Variants in BMPR1B observed in about 807,000 individuals in gnomAD.
BMPR1B encodes the protein bone morphogenetic protein receptor type-1B.
Under a neutral mutation model 59.1 loss-of-function variants are expected in BMPR1B, and 12 were observed. The ratio of observed to expected loss-of-function variants is 0.20; its 90% CI spans 0.13 to 0.33. The LOEUF is 0.33. Among genes scored for constraint, BMPR1B ranks in the 10% least tolerant of loss-of-function variants. The pLI is 1.00. For missense variants in BMPR1B, 550 were observed against 610.9 expected (o/e 0.90, Z 1.05); for synonymous variants, 237 against 207.3 (o/e 1.14, Z -1.23).
intron 2 of BMPR1B, among the ~76,000 whole-genome samples, chr4:94,901,208 A>G (rs2149000078): frequency 6.6e-6 from 1 of 152,156 alleles, no homozygotes; most frequent in East Asian, 1.9e-4. Flanking sequence ...GGGTCATGAC[A>G]TCAATATAGT....
chr4:95,116,417 G>GCACACACACACACA (rs1412794885), intron 6 of BMPR1B, among the ~76,000 whole-genome samples: 1 of 51,348 alleles, frequency 1.9e-5, no homozygotes, highest in African/African-American at 9.8e-5. Flanking sequence ...TGCTTTCAGC[G>GCACACACACACACA]CGCGCACACA....
intron 2 of BMPR1B, among the ~76,000 whole-genome samples, chr4:94,900,162 C>T (rs916187412): frequency 2.6e-5 from 4 of 151,366 alleles, no homozygotes; most frequent in Admixed American, 2.6e-4. Context: ...CCAGTCATAA[C>T]ATTCCATGCT....
chr4:94,960,635 C>T (rs1308662428), intron 2 of BMPR1B, among the ~76,000 whole-genome samples: 1 of 151,920 alleles, frequency 6.6e-6, no homozygotes, highest in African/African-American at 2.4e-5. Flanking sequence ...TTTATTACTA[C>T]AGACAGAAGG....
chr4:95,037,774 A>G (rs1382977669), intron 3 of BMPR1B, among the ~76,000 whole-genome samples: 1 of 152,168 alleles, frequency 6.6e-6, no homozygotes, highest in Non-Finnish European at 1.5e-5. Context: ...GAGGGGTCAT[A>G]TACTTTAGAA....
intron 10 of BMPR1B, among the ~76,000 whole-genome samples, chr4:95,134,119 G>C (rs555985048): frequency 1.3e-5 from 2 of 152,218 alleles, no homozygotes; most frequent in East Asian, 3.9e-4. Context: ...GAGAACATGC[G>C]ATGTTTGGTT....
chr4:94,768,386 C>T (rs975941259), intron 1 of BMPR1B, among the ~76,000 whole-genome samples: 5 of 151,938 alleles, frequency 3.3e-5, no homozygotes, highest in Non-Finnish European at 7.4e-5. Flanking sequence ...AACAAAAAAC[C>T]TCTGCTTTAT....
chr4:95,017,619 G>GT (rs1723672323), intron 3 of BMPR1B, among the ~76,000 whole-genome samples: 1 of 152,190 alleles, frequency 6.6e-6, no homozygotes, highest in Non-Finnish European at 1.5e-5. Flanking sequence ...CTTAGCATCA[G>GT]TATTTCAATA....
At chr4:94,849,340 C>T (rs1725477079) in intron 1 of BMPR1B, among the ~76,000 whole-genome samples, 1 of 152,004 alleles carries the variant, frequency 6.6e-6, no homozygotes, top group South Asian at 2.1e-4. Context: ...TCAACGGGTG[C>T]CCTTGACAAA....
intron 2 of BMPR1B, among the ~76,000 whole-genome samples, chr4:94,883,155 T>C (rs193141503): frequency 1.6e-3 from 249 of 152,256 alleles, no homozygotes; most frequent in Non-Finnish European, 2.7e-3. Context: ...CTTCTTCCAC[T>C]GATGAGAGAA....
chr4:94,869,527 T>C (rs898532603), intron 1 of BMPR1B, among the ~76,000 whole-genome samples: 9 of 152,228 alleles, frequency 5.9e-5, no homozygotes, highest in Non-Finnish European at 1.2e-4. Flanking sequence ...ATCTTCAATA[T>C]TCAGCTTTGC....
At chr4:94,995,142 G>A (rs1014317132) in intron 2 of BMPR1B, among the ~76,000 whole-genome samples, 6 of 152,124 alleles carry the variant, frequency 3.9e-5, no homozygotes, top group Non-Finnish European at 5.9e-5. Context: ...GAGATACTAT[G>A]TATCTTGTTT....
intron 3 of BMPR1B, among the ~76,000 whole-genome samples, chr4:94,997,789 T>A (rs1021336371): frequency 1.1e-4 from 17 of 152,204 alleles, no homozygotes; most frequent in South Asian, 2.1e-4. Flanking sequence ...TTATTTGCTT[T>A]TGCCTTTGAG....
chr4:94,887,168 CT>C (rs963347838), intron 2 of BMPR1B, among the ~76,000 whole-genome samples: 3 of 151,326 alleles, frequency 2.0e-5, no homozygotes, highest in African/African-American at 7.3e-5. Context: ...CTCTTCTCCC[CT>C]ACTACTAAAA....
Position 94,852,025 on chromosome 4 carries a change from A to G in BMPR1B, c.-182-23806A>G, listed in dbSNP as rs187880761. Among the ~76,000 whole-genome samples, 400 of 151,194 alleles carry G rather than the reference A, an allele frequency of 2.6e-3. 2 individuals are homozygous for G. Among genetic ancestry groups the G allele is most frequent in the Non-Finnish European group, 3.1e-3 (213 of 67,622 alleles). On this transcript the variant is annotated intron_variant, in intron 1 of 12. Transcript: ENST00000515059. ...TACATTGTGTAGATTGGAAATAAAG[A>G]TGGTGAAAGATAAGAGATTATTCAG...
intron 3 of BMPR1B, among the ~76,000 whole-genome samples, chr4:95,060,193 G>A (rs1477802752): frequency 2.0e-5 from 3 of 152,118 alleles, no homozygotes; most frequent in African/African-American, 2.4e-5. Context: ...TGGGAGTTGA[G>A]CTGAGAAGGC....
At chr4:94,950,339 G>A (rs1458939327) in intron 2 of BMPR1B, among the ~76,000 whole-genome samples, 1 of 151,986 alleles carries the variant, frequency 6.6e-6, no homozygotes, top group African/African-American at 2.4e-5. Context: ...ATTATTTTTG[G>A]TGTTTTAGTC....
At chr4:95,053,013 C>T (rs565744473) in intron 3 of BMPR1B, among the ~76,000 whole-genome samples, 40 of 152,182 alleles carry the variant, frequency 2.6e-4, no homozygotes, top group African/African-American at 9.4e-4. Flanking sequence ...TTTTTATTCT[C>T]TTTTAGCATT....
At chr4:95,083,321 A>G (rs1476891638) in intron 3 of BMPR1B, among the ~76,000 whole-genome samples, 9 of 152,148 alleles carry the variant, frequency 5.9e-5, no homozygotes, top group Non-Finnish European at 1.0e-4. Flanking sequence ...AATGATAACA[A>G]AAACAGATTA....
At chr4:95,046,455 A>G (rs897025173) in intron 3 of BMPR1B, among the ~76,000 whole-genome samples, 3 of 152,140 alleles carry the variant, frequency 2.0e-5, no homozygotes, top group East Asian at 1.9e-4. Context: ...TCAGTAGTCT[A>G]TATTCCTTCA....
Sources: allele counts gnomAD v4.1 joint callset (sites outside exome capture counted in the v4.1 genomes callset), GRCh38; gene constraint gnomAD v4.1.1; transcripts MANE v1.5; gene names NCBI Gene and HGNC (gene_info 2026-07-23, HGNC 2026-07-21).